The following TGDS variants were observed in gnomAD, a reference collection of about 807,000 sequenced individuals.
The protein encoded by TGDS is UDP-D-glucose 4,6-dehydratase.
TGDS carries 47 observed loss-of-function variants against 52.3 expected under a neutral mutation model. That is an observed-to-expected ratio of 0.90 (90% CI 0.71 to 1.15). TGDS has a LOEUF of 1.15. Ranked by LOEUF, TGDS falls within the 50% of genes most tolerant of loss-of-function variation. The pLI is 0.00. For missense variants in TGDS, 375 were observed against 418.4 expected, an observed-to-expected ratio of 0.90 and a Z score of 0.90; for synonymous variants, 115 against 136.9, an observed-to-expected ratio of 0.84 and a Z score of 1.12.
chr13:94,581,212 A>T (rs757620347), intron 5 of TGDS, 23 bp from the exon 6 acceptor site: 17 of 1,437,374 alleles, frequency 1.2e-5, no homozygotes, highest in Middle Eastern at 2.4e-4. Flanking sequence ...ATATATATTT[A>T]AAAAAGTGTT....
chr13:94,591,096 G>T (rs1889186045), intron 3 of TGDS, among the ~76,000 whole-genome samples, 153 bp from the exon 4 acceptor site: 1 of 152,088 alleles, frequency 6.6e-6, no homozygotes, highest in Non-Finnish European at 1.5e-5. Context: ...GGATACCAAT[G>T]ATGTATTTCT....
chr13:94,574,958 A>C, intron 11 of TGDS, 106 bp from the exon 12 acceptor site: 1 of 632,750 alleles, frequency 1.6e-6, no homozygotes, highest in Non-Finnish European at 2.7e-6. Flanking sequence ...CTTGCCCATC[A>C]GCTAAGCAGC....
chr13:94,590,042 A>G (rs1465082596), intron 4 of TGDS, among the ~76,000 whole-genome samples: 1 of 151,572 alleles, frequency 6.6e-6, no homozygotes, highest in Non-Finnish European at 1.5e-5. Context: ...ACTACAGTGT[A>G]TGTGTATATA....
chr13:94,583,310 T>C, intron 4 of TGDS, 74 bp from the exon 5 acceptor site: 3 of 1,502,434 alleles, frequency 2.0e-6, no homozygotes, highest in South Asian at 1.3e-5. Flanking sequence ...TGGACTCAGG[T>C]TTAAGGAGAG....
chr13:94,588,132 G>A (rs900589281), intron 4 of TGDS, among the ~76,000 whole-genome samples: 65 of 152,006 alleles, frequency 4.3e-4, no homozygotes, highest in African/African-American at 1.3e-3. Context: ...AAGGCTGGGC[G>A]TGGTGGCTCA....
At chr13:94,586,408 G>T (rs1199439086) in intron 4 of TGDS, among the ~76,000 whole-genome samples, 4 of 152,062 alleles carry the variant, frequency 2.6e-5, no homozygotes, top group Admixed American at 2.6e-4. Flanking sequence ...ACACATCACC[G>T]GGGAAAAAAG....
At position 94,590,885 on chromosome 13, in the gene TGDS, A is replaced by C. The variant is rs1429058726; in HGVS notation, c.281T>G (p.Ile94Arg). ...KLLFETEKIDIVLHFAAQTHV... is the reference protein window; with the variant it reads ...KLLFETEKIDRVLHFAAQTHV... The stretch of plus-strand genomic sequence containing the variant: ...TGTTTGTGCGGCAAAATGTAGTACT[A>C]TATCTATTTTCTCTGTTTCAAAAAG... Residue 94 changes from isoleucine (I) to arginine (R), a missense_variant, in exon 4 of 12, where the codon ATA (isoleucine) becomes AGA (arginine). By Grantham distance (97) the Ile-to-Arg change is moderately conservative. Coordinates refer to ENST00000261296, the MANE Select transcript of TGDS (RefSeq NM_014305.4). 6.3e-7 allele frequency: 1 copy of C among 1,576,904 alleles called. No homozygotes were observed.
At chr13:94,574,932 T>C (rs1888544863) in intron 11 of TGDS, 80 bp from the exon 12 acceptor site, 1 of 809,478 alleles carries the variant, frequency 1.2e-6, no homozygotes, top group African/African-American at 1.8e-5. Context: ...CTTTACTGAG[T>C]TCCTGCTAGC....
At chr13:94,596,219 G>T, upstream of TGDS, 1 of 1,438,936 alleles carries the variant, frequency 6.9e-7, no homozygotes, top group Non-Finnish European at 9.5e-7. Context: ...TTTGCGACGC[G>T]CCTCGCTCGC....
intron 10 of TGDS, 75 bp downstream of exon 10, chr13:94,577,296 A>G: frequency 1.7e-6 from 2 of 1,163,836 alleles, no homozygotes; most frequent in South Asian, 3.3e-5. Context: ...TTATTGGTCA[A>G]GTCCACATAT....
rs755643462 is a variant in TGDS, at chr13:94,579,906, T to G, written c.603A>C (p.Gln201His). The G allele has an allele frequency of 1.9e-6, 3 of 1,596,740 alleles. No individual in the cohort carries two copies. The highest frequency in any genetic ancestry group is 2.6e-6 in the Non-Finnish European group (3 of 1,167,842). Residue 201 changes from glutamine (Q) to histidine (H), a missense_variant, in exon 7 of 12, where the codon CAA becomes CAC. Gln to His is a conservative substitution (Grantham distance 24). Coordinates refer to ENST00000261296, the MANE Select transcript of TGDS (RefSeq NM_014305.4). ...TRSSNVYGPH[Q>H]YPEKVIPKFI... Reference sequence around the variant, plus strand: ...AAGTAAAATTTACCTTTTCTGGATATTGATGTGGTCCATAAACATTACTGC... The same window carrying G: ...AAGTAAAATTTACCTTTTCTGGATAGTGATGTGGTCCATAAACATTACTGC...
chr13:94,583,749 TGG>T (rs1888883536), intron 4 of TGDS, among the ~76,000 whole-genome samples: 1 of 152,106 alleles, frequency 6.6e-6, no homozygotes, highest in African/African-American at 2.4e-5. Context: ...AAATTTTGCA[TGG>T]TTAAAAAACT....
chr13:94,596,217 G>C (rs1282677149), upstream of TGDS: 1 of 1,457,752 alleles, frequency 6.9e-7, no homozygotes, highest in African/African-American at 1.4e-5. Context: ...CTTTTGCGAC[G>C]CGCCTCGCTC....
intron 6 of TGDS, 112 bp from the exon 7 acceptor site, chr13:94,580,065 A>G (rs1160033700): frequency 6.4e-6 from 4 of 623,180 alleles, no homozygotes; most frequent in Non-Finnish European, 1.1e-5. Flanking sequence ...AATTCCACAC[A>G]CCTTAAGGTC....
At chr13:94,587,276 C>G (rs958345669) in intron 4 of TGDS, among the ~76,000 whole-genome samples, 4 of 151,846 alleles carry the variant, frequency 2.6e-5, no homozygotes, top group African/African-American at 9.7e-5. Flanking sequence ...AAGGTAAGAC[C>G]AGAAATTCAT....
intron 9 of TGDS, 25 bp from the exon 10 acceptor site, chr13:94,577,454 A>G (rs748901893): frequency 3.9e-6 from 6 of 1,537,610 alleles, no homozygotes; most frequent in Non-Finnish European, 4.3e-6. Flanking sequence ...AAAGCTTTTG[A>G]GTCAAATTAT....
rs1888862493 is a variant in TGDS at position 94,583,214 on chromosome 13, A to C, written c.336T>G (p.Phe112Leu). The C allele has an allele frequency of 6.2e-7, 1 of 1,613,510 alleles. No individual in the cohort carries two copies. Among genetic ancestry groups the C allele is most frequent in the Non-Finnish European group, 8.5e-7 (1 of 1,179,890 alleles). The change falls in exon 5 of 12, where the codon TTT (phenylalanine) becomes TTG (leucine). Residue 112 changes from phenylalanine (F) to leucine (L), a missense_variant. Physicochemically the swap from Phe to Leu is conservative, Grantham distance 22 (BLOSUM62 0). Coordinates refer to ENST00000261296, the MANE Select transcript of TGDS (RefSeq NM_014305.4). ...CATAAACATTAACATAGGTAAACTC[A>C]AAGGCACGTACGAATGAAAGATCTA... ...THVDLSFVRA[F>L]EFTYVNVYGT...
In TGDS at chr13:94,596,095, G is replaced by A; in HGVS notation, c.42C>T (p.Gly14=). The change falls in exon 1 of 12, where the codon GGC becomes GGT. Residue 14 remains glycine, a synonymous_variant. Transcript: ENST00000261296. ...TCACCAGGACCCGCTTCGCAAAGCC[G>A]CCGGGAAGACCCCACGGTTCCTCCC... ...ACWEEPWGLP[G]GFAKRVLVTG... 1 of 1,614,136 alleles carries A rather than the reference G, an allele frequency of 6.2e-7. No individual in the cohort carries two copies. The highest frequency in any genetic ancestry group is 2.2e-5 in the East Asian group (1 of 44,876).
At chr13:94,582,792 T>C (rs1376791765) in intron 5 of TGDS, among the ~76,000 whole-genome samples, 1 of 152,220 alleles carries the variant, frequency 6.6e-6, no homozygotes, top group Non-Finnish European at 1.5e-5. Context: ...CCATGCTGGA[T>C]GCTTCCTGCC....
Sources: allele counts gnomAD v4.1 joint callset (sites outside exome capture counted in the v4.1 genomes callset), GRCh38; gene constraint gnomAD v4.1.1; transcripts MANE v1.5; gene names NCBI Gene and HGNC (gene_info 2026-07-23, HGNC 2026-07-21).